GRID2: variants seen among roughly 807,000 people sequenced by gnomAD.
GRID2 encodes glutamate ionotropic receptor delta type subunit 2.
GRID2 carries 33 observed loss-of-function variants against 114.8 expected under a neutral mutation model. That is an observed-to-expected ratio of 0.29 (90% CI 0.22 to 0.38). The LOEUF is 0.38. Ranked by LOEUF, GRID2 falls within the 10% of genes least tolerant of loss-of-function variation. GRID2 has a pLI of 1.00. For missense variants in GRID2, 1,184 were observed against 1,257.7 expected (o/e 0.94, Z 0.89); for synonymous variants, 505 against 449.9 (o/e 1.12, Z -1.55).
downstream of GRID2, among the ~76,000 whole-genome samples, chr4:93,776,882 T>C (rs1169734487): frequency 6.6e-6 from 1 of 152,214 alleles, no homozygotes; most frequent in Non-Finnish European, 1.5e-5. Context: ...ATCGGCATAA[T>C]GTAGACCATA....
At chr4:93,325,673 A>T (rs572943419) in intron 8 of GRID2, among the ~76,000 whole-genome samples, 27 of 151,226 alleles carry the variant, frequency 1.8e-4, no homozygotes, top group Non-Finnish European at 3.8e-4. Context: ...TTGATAGTAT[A>T]CTATTTTTTA....
chr4:93,257,330 G>A (rs993536682), intron 8 of GRID2, among the ~76,000 whole-genome samples: 1 of 151,722 alleles, frequency 6.6e-6, no homozygotes, highest in Non-Finnish European at 1.5e-5. Flanking sequence ...ATGTAGCCCT[G>A]TTACATTGTA....
chr4:92,619,366 C>T (rs1181660912), intron 2 of GRID2, among the ~76,000 whole-genome samples: 3 of 151,686 alleles, frequency 2.0e-5, no homozygotes, highest in Non-Finnish European at 4.4e-5. Context: ...ATATATGCAG[C>T]TTCCCAGACC....
chr4:93,273,539 A>G (rs551140215), intron 8 of GRID2, among the ~76,000 whole-genome samples: 77 of 152,188 alleles, frequency 5.1e-4, no homozygotes, highest in African/African-American at 1.8e-3. Flanking sequence ...GTAATGGGGA[A>G]AGAGGAATTA....
At chr4:93,431,416 TAAG>T (rs917174542) in intron 10 of GRID2, among the ~76,000 whole-genome samples, 4 of 151,812 alleles carry the variant, frequency 2.6e-5, no homozygotes, top group Admixed American at 6.6e-5. Context: ...ATTGACAAAA[TAAG>T]AAGAATTTAT....
At chr4:93,007,011 C>CA (rs1721607026) in intron 2 of GRID2, among the ~76,000 whole-genome samples, 1 of 151,170 alleles carries the variant, frequency 6.6e-6, no homozygotes, top group African/African-American at 2.4e-5. Context: ...ATCAGTGAAA[C>CA]AAAAAATAGC....
chr4:92,374,728 C>T (rs146278493), intron 1 of GRID2, among the ~76,000 whole-genome samples: 33 of 152,158 alleles, frequency 2.2e-4, no homozygotes, highest in Non-Finnish European at 3.2e-4. Flanking sequence ...ATAAGAGTAG[C>T]GCAAATCTTA....
At chr4:93,581,898 G>C (rs1260941563) in intron 13 of GRID2, among the ~76,000 whole-genome samples, 1 of 152,040 alleles carries the variant, frequency 6.6e-6, no homozygotes, top group Non-Finnish European at 1.5e-5. Context: ...GTTCTCTTTT[G>C]TTCATTATCA....
At chr4:92,383,784 C>G (rs1729733446) in intron 1 of GRID2, among the ~76,000 whole-genome samples, 1 of 151,878 alleles carries the variant, frequency 6.6e-6, no homozygotes, top group Non-Finnish European at 1.5e-5. Context: ...ATTCAATAGT[C>G]AACAGTCAGT....
At chr4:93,389,134 G>A (rs776835193) in intron 8 of GRID2, among the ~76,000 whole-genome samples, 1 of 152,100 alleles carries the variant, frequency 6.6e-6, no homozygotes, top group Non-Finnish European at 1.5e-5. Context: ...AAATGATTCA[G>A]ATGGTACCCA....
At chr4:92,876,757 G>T (rs1745667577) in intron 2 of GRID2, among the ~76,000 whole-genome samples, 1 of 152,200 alleles carries the variant, frequency 6.6e-6, no homozygotes, top group Non-Finnish European at 1.5e-5. Flanking sequence ...ACAGGGAGCA[G>T]CAGAACACAC....
At chr4:92,390,039 T>G (rs1246442510) in intron 1 of GRID2, among the ~76,000 whole-genome samples, 1 of 152,144 alleles carries the variant, frequency 6.6e-6, no homozygotes, top group Non-Finnish European at 1.5e-5. Flanking sequence ...GAGCCAATTT[T>G]AAGTCCTCTT....
At chr4:93,515,162 T>G in intron 12 of GRID2, 54 bp from the exon 13 acceptor site, 1 of 752,354 alleles carries the variant, frequency 1.3e-6, no homozygotes, top group Non-Finnish European at 2.0e-6. Flanking sequence ...TATTCCCACT[T>G]GAAAATACTC....
At chr4:93,352,170 A>G (rs1039506863) in intron 8 of GRID2, among the ~76,000 whole-genome samples, 2 of 152,066 alleles carry the variant, frequency 1.3e-5, no homozygotes, top group Non-Finnish European at 2.9e-5. Context: ...ATTCCAAGCC[A>G]GGCATTCTCA....
At chr4:93,023,745 T>C (rs1270707572) in intron 2 of GRID2, among the ~76,000 whole-genome samples, 4 of 151,792 alleles carry the variant, frequency 2.6e-5, no homozygotes, top group Non-Finnish European at 4.4e-5. Flanking sequence ...CACGTCGGAA[T>C]ATGATGGGTG....
intron 2 of GRID2, among the ~76,000 whole-genome samples, chr4:92,675,079 G>T (rs1733278908): frequency 6.6e-6 from 1 of 152,100 alleles, no homozygotes; most frequent in African/African-American, 2.4e-5. Flanking sequence ...GTTGGATTTT[G>T]TTCTGACAAG....
At chr4:92,728,637 C>G (rs1036471462) in intron 2 of GRID2, among the ~76,000 whole-genome samples, 1 of 151,874 alleles carries the variant, frequency 6.6e-6, no homozygotes, top group African/African-American at 2.4e-5. Context: ...TTGCTGTATT[C>G]TGTTTGTAAG....
At chr4:93,778,479 C>G (rs116303246), downstream of GRID2, among the ~76,000 whole-genome samples, 1 of 148,792 alleles carries the variant, frequency 6.7e-6, no homozygotes, top group Non-Finnish European at 1.5e-5. Flanking sequence ...TCCCTGGAAC[C>G]TTTGCCTCCT....
At chr4:93,530,057 A>G (rs892954971) in intron 13 of GRID2, among the ~76,000 whole-genome samples, 1 of 152,134 alleles carries the variant, frequency 6.6e-6, no homozygotes, top group African/African-American at 2.4e-5. Flanking sequence ...GAGCCAAATA[A>G]TTGCTTTAAC....
Sources: allele counts gnomAD v4.1 joint callset (sites outside exome capture counted in the v4.1 genomes callset), GRCh38; gene constraint gnomAD v4.1.1; transcripts MANE v1.5; gene names NCBI Gene and HGNC (gene_info 2026-07-23, HGNC 2026-07-21).